Variants in CPLANE1 observed in about 807,000 individuals in gnomAD.
CPLANE1 encodes the protein ciliogenesis and planar polarity effector 1.
A neutral mutation model predicts 362.5 loss-of-function variants in CPLANE1; 263 were observed. The ratio of observed to expected loss-of-function variants is 0.73; its 90% CI spans 0.66 to 0.80. The LOEUF (loss-of-function observed/expected upper bound fraction) is 0.80, where lower values mean the gene tolerates loss of function less well. CPLANE1 is among the 30% of genes least tolerant of loss of function. The probability of loss-of-function intolerance (pLI) is 0.00; values close to 1 mark genes in which losing one functional copy is unlikely to be tolerated. For synonymous variants in CPLANE1, 1,212 were observed against 1,302.6 expected (o/e 0.93, Z 1.50); for missense variants, 3,461 against 3,793.4 (o/e 0.91, Z 2.30).
chr5:37,177,719 C>G lies in CPLANE1; in HGVS notation c.5821-19G>C, dbSNP rs188147614. ...TGAACTCCTGTTAAAATGAATAGTA[C>G]CCAAAAAGAAAACAGGTAAAACAAA... On this transcript the variant is annotated intron_variant, in intron 29 of 52. Coordinates refer to ENST00000651892, the MANE Select transcript of CPLANE1 (RefSeq NM_001384732.1). 1 of 1,592,836 alleles carries G rather than the reference C, an allele frequency of 6.3e-7. No homozygotes were observed. Among genetic ancestry groups the G allele is most frequent in the Non-Finnish European group, 8.6e-7 (1 of 1,163,092 alleles).
the CPLANE1 span, among the ~76,000 whole-genome samples, chr5:37,079,925 T>A: frequency 6.6e-6 from 1 of 152,236 alleles, no homozygotes; most frequent in Non-Finnish European, 1.5e-5. Flanking sequence ...CATTAGTTTA[T>A]CAAATATTTA....
chr5:37,211,518 A>T lies in CPLANE1; in HGVS notation c.2920+2041T>A. On this transcript the variant is annotated intron_variant, in intron 16 of 52. Coordinates refer to ENST00000651892, the MANE Select transcript of CPLANE1 (RefSeq NM_001384732.1). ...AAGGAATGACATCTTGGAAGCCCTG[A>T]CAGGCAGTGCAGCCTCAAGGCTATG... 3 of 1,315,654 alleles carry T rather than the reference A, an allele frequency of 2.3e-6. No homozygotes were observed. The Admixed American group carries it at 5.8e-5, about 26-fold the overall frequency. 81.5% of individuals were successfully genotyped at this position (1,315,654 alleles called of 1,614,324 possible). A position where few individuals can be genotyped will look rare whatever the true frequency, so the allele number is the denominator to read the frequency against.
chr5:37,208,609 G>A (rs1337294372), intron 16 of CPLANE1, among the ~76,000 whole-genome samples: 6 of 151,790 alleles, frequency 4.0e-5, no homozygotes, highest in African/African-American at 1.5e-4. Flanking sequence ...CCCAGGAGGC[G>A]GAGCTTGCAG....
chr5:37,120,262 A>G lies in CPLANE1; in HGVS notation c.9264T>C (p.His3088=), dbSNP rs1212429324. 1.2e-6 allele frequency: 2 copies of G among 1,603,590 alleles called. No individual in the cohort carries two copies. Among genetic ancestry groups the G allele is most frequent in the African/African-American group, 2.7e-5 (2 of 74,328 alleles). The change falls in exon 50 of 53, where the codon CAT becomes CAC. Residue 3088 remains histidine (H), a synonymous_variant. Coordinates refer to ENST00000651892, the MANE Select transcript of CPLANE1 (RefSeq NM_001384732.1). ...GAGGTTGCCCAAAAGACTTCCTCTT[A>G]TGGATATAACTCGGTTTGGACATAT... The part of the protein sequence containing the change: ...VKYMSKPSYI[H]KRKSFGQPQG...
chr5:37,211,927 C>T, intron 16 of CPLANE1: 1 of 800,438 alleles, frequency 1.2e-6, no homozygotes, highest in Non-Finnish European at 2.3e-6. Flanking sequence ...CATATGGGCG[C>T]AGCTGTAGCT....
intron 9 of CPLANE1, 94 bp downstream of exon 9, chr5:37,230,773 T>A: frequency 1.2e-6 from 1 of 816,448 alleles, no homozygotes; most frequent in Non-Finnish European, 1.7e-6. Flanking sequence ...AGTAAGACAA[T>A]TTGAAAGATG....
chr5:37,122,102 T>C (rs767162861), intron 48 of CPLANE1, among the ~76,000 whole-genome samples: 17 of 152,150 alleles, frequency 1.1e-4, no homozygotes, highest in Non-Finnish European at 1.9e-4. Context: ...ATTCATCAGA[T>C]TTCTGAAAAT....
At chr5:37,227,177 A>C (rs1173404338) in intron 11 of CPLANE1, 66 bp downstream of exon 11, 85 of 1,520,938 alleles carry the variant, frequency 5.6e-5, no homozygotes, top group Non-Finnish European at 7.2e-5. Flanking sequence ...CAAGAGAAAA[A>C]CAGAATATGT....
chr5:37,184,696 G>A, intron 25 of CPLANE1, 92 bp downstream of exon 25: 1 of 1,016,010 alleles, frequency 9.8e-7, no homozygotes, highest in Non-Finnish European at 1.5e-6. Flanking sequence ...CAATCAGTGA[G>A]GGTTGCTGGG....
chr5:37,091,884 G>A, the CPLANE1 span, among the ~76,000 whole-genome samples: 1 of 152,140 alleles, frequency 6.6e-6, no homozygotes, highest in Non-Finnish European at 1.5e-5. Flanking sequence ...CAGACGATGA[G>A]GCTTCCATGG....
intron 15 of CPLANE1, among the ~76,000 whole-genome samples, chr5:37,214,146 A>C (rs1012777725): frequency 6.6e-6 from 1 of 152,192 alleles, no homozygotes; most frequent in African/African-American, 2.4e-5. Flanking sequence ...ACCATAAAAT[A>C]CATATAAACT....
chr5:37,093,226 T>C, the CPLANE1 span, among the ~76,000 whole-genome samples: 1 of 152,160 alleles, frequency 6.6e-6, no homozygotes, highest in African/African-American at 2.4e-5. Flanking sequence ...GCCAAAAACG[T>C]GTCTAATGAA....
intron 26 of CPLANE1, among the ~76,000 whole-genome samples, 175 bp downstream of exon 26, chr5:37,182,585 T>C (rs1237830020): frequency 1.3e-5 from 2 of 152,182 alleles, no homozygotes; most frequent in African/African-American, 4.8e-5. Context: ...AAGCACTTTA[T>C]TGTTAAGAAT....
chr5:37,237,456 G>A (rs569408977), intron 8 of CPLANE1, among the ~76,000 whole-genome samples: 13 of 152,286 alleles, frequency 8.5e-5, no homozygotes, highest in African/African-American at 3.1e-4. Flanking sequence ...AAAGACGGGA[G>A]GGGAGTGAGG....
chr5:37,230,475 C>T (rs534272667), intron 9 of CPLANE1, among the ~76,000 whole-genome samples: 1 of 152,116 alleles, frequency 6.6e-6, no homozygotes, highest in African/African-American at 2.4e-5. Flanking sequence ...AGTTTTCTAT[C>T]CATTTCCAAT....
At chr5:37,204,431 T>C (rs922090933) in intron 18 of CPLANE1, among the ~76,000 whole-genome samples, 1 of 152,232 alleles carries the variant, frequency 6.6e-6, no homozygotes, top group African/African-American at 2.4e-5. Context: ...ATAAATTTTA[T>C]AGGATTCCTG....
intron 46 of CPLANE1, among the ~76,000 whole-genome samples, chr5:37,129,777 A>G (rs1228438422): frequency 6.6e-6 from 1 of 152,198 alleles, no homozygotes; most frequent in African/African-American, 2.4e-5. Flanking sequence ...AAAAGGGAAC[A>G]TTTTTATACT....
chr5:37,173,642 G>T (rs866671331), intron 32 of CPLANE1, 113 bp downstream of exon 32: 1 of 908,640 alleles, frequency 1.1e-6, no homozygotes, highest in Middle Eastern at 2.3e-4. Flanking sequence ...CCAAAGCAGA[G>T]AAATGCTTGT....
intron 19 of CPLANE1, among the ~76,000 whole-genome samples, chr5:37,199,497 T>C (rs1394178090): frequency 1.3e-5 from 2 of 152,184 alleles, no homozygotes; most frequent in Non-Finnish European, 2.9e-5. Flanking sequence ...TTATTCCATA[T>C]CAATTTATAC....
Sources: allele counts gnomAD v4.1 joint callset (sites outside exome capture counted in the v4.1 genomes callset), GRCh38; gene constraint gnomAD v4.1.1; transcripts MANE v1.5; gene names NCBI Gene and HGNC (gene_info 2026-07-23, HGNC 2026-07-21).